Variants in MRAP2 observed in about 807,000 individuals in gnomAD.
MRAP2 encodes melanocortin 2 receptor accessory protein 2.
In MRAP2, 20 loss-of-function variants were observed where a neutral mutation model predicts 17.4. That is an observed-to-expected ratio of 1.15 (90% CI 0.81 to 1.67). The LOEUF (loss-of-function observed/expected upper bound fraction) is 1.67, where lower values mean the gene tolerates loss of function less well. Ranked by LOEUF, MRAP2 falls within the 40% of genes most tolerant of loss-of-function variation. MRAP2 has a pLI of 0.00. For missense variants in MRAP2, 238 were observed against 240.0 expected (o/e 0.99, Z 0.05); for synonymous variants, 96 against 88.4 (o/e 1.09, Z -0.48).
the MRAP2 span, among the ~76,000 whole-genome samples, chr6:84,109,299 C>T: frequency 1.4e-3 from 220 of 152,244 alleles, no homozygotes; most frequent in Middle Eastern, 3.4e-3. Flanking sequence ...TCCTCCTATC[C>T]GTGAGCATTG....
chr6:84,114,325 G>T, the MRAP2 span, among the ~76,000 whole-genome samples: 21 of 151,846 alleles, frequency 1.4e-4, no homozygotes, highest in South Asian at 2.7e-3. Flanking sequence ...ATTTCATTGA[G>T]TTAATCTTCA....
At chr6:84,041,794 A>T (rs1227079575) in intron 1 of MRAP2, among the ~76,000 whole-genome samples, 1 of 152,236 alleles carries the variant, frequency 6.6e-6, no homozygotes, top group Non-Finnish European at 1.5e-5. Context: ...GTATCTAGGA[A>T]GTAACTAACT....
chr6:84,081,754 G>T (rs1196570509), intron 3 of MRAP2, among the ~76,000 whole-genome samples: 1 of 152,164 alleles, frequency 6.6e-6, no homozygotes, highest in Non-Finnish European at 1.5e-5. Context: ...GGAGGCAGAG[G>T]TTGCAGTGAG....
intron 2 of MRAP2, among the ~76,000 whole-genome samples, chr6:84,056,416 T>G (rs1424793848): frequency 6.6e-6 from 1 of 152,202 alleles, no homozygotes; most frequent in East Asian, 1.9e-4. Context: ...TTTTTGTTCC[T>G]TTAGCAAAAA....
intron 3 of MRAP2, among the ~76,000 whole-genome samples, chr6:84,068,175 GC>G (rs551258715): frequency 4.9e-4 from 75 of 152,156 alleles, no homozygotes; most frequent in Non-Finnish European, 8.7e-4. Flanking sequence ...GTTTTTGTTT[GC>G]TTTTTTGAAG....
the MRAP2 span, among the ~76,000 whole-genome samples, chr6:84,134,962 A>AGT: frequency 6.6e-6 from 1 of 151,438 alleles, no homozygotes; most frequent in African/African-American, 2.4e-5. Context: ...ACACATATAT[A>AGT]GTGTTAGGTT....
At chr6:84,143,032 A>C in the MRAP2 span, among the ~76,000 whole-genome samples, 1 of 152,094 alleles carries the variant, frequency 6.6e-6, no homozygotes, top group African/African-American at 2.4e-5. Flanking sequence ...TTCAATAATT[A>C]CTATGTTTTA....
intron 3 of MRAP2, among the ~76,000 whole-genome samples, chr6:84,064,643 A>G (rs185377512): frequency 2.6e-4 from 40 of 152,034 alleles, no homozygotes; most frequent in Admixed American, 4.6e-4. Context: ...ACCCACCACC[A>G]CGCCCAGCTA....
intron 2 of MRAP2, among the ~76,000 whole-genome samples, chr6:84,059,261 G>T (rs1182468206): frequency 1.3e-5 from 2 of 152,176 alleles, no homozygotes; most frequent in Admixed American, 6.5e-5. Flanking sequence ...TGCATGGATG[G>T]GTCAGCAAGA....
At chr6:84,086,694 G>A (rs1049509096) in intron 3 of MRAP2, among the ~76,000 whole-genome samples, 5 of 152,192 alleles carry the variant, frequency 3.3e-5, no homozygotes, top group African/African-American at 2.4e-5. Context: ...GAAGCCAGAA[G>A]GGAGGGGGTG....
chr6:84,050,466 C>T (rs1019980533), intron 1 of MRAP2, among the ~76,000 whole-genome samples: 6 of 152,132 alleles, frequency 3.9e-5, no homozygotes, highest in Admixed American at 2.0e-4. Context: ...CTGTGTGGCC[C>T]TACCCTAGGC....
At chr6:84,033,662 TCTCGCGCTGGGGAGGCGGC>T (rs1417577494), upstream of MRAP2, 3 of 981,578 alleles carry the variant, frequency 3.1e-6, no homozygotes, top group African/African-American at 5.3e-5. Context: ...GGGAGGCGGC[TCTCGCGCTGGGGAGGCGGC>T]TCCCGCGCTG....
chr6:84,130,131 G>C, the MRAP2 span, among the ~76,000 whole-genome samples: 3 of 152,098 alleles, frequency 2.0e-5, no homozygotes, highest in Non-Finnish European at 2.9e-5. Context: ...TATGGTTTTT[G>C]TCCTTGGTTT....
chr6:84,099,820 A>G, the MRAP2 span, among the ~76,000 whole-genome samples: 1 of 152,092 alleles, frequency 6.6e-6, no homozygotes, highest in African/African-American at 2.4e-5. Flanking sequence ...ACTAATGCAA[A>G]TGGATTAATA....
the MRAP2 span, among the ~76,000 whole-genome samples, chr6:84,142,239 A>G: frequency 6.6e-6 from 1 of 152,216 alleles, no homozygotes; most frequent in Non-Finnish European, 1.5e-5. Flanking sequence ...TTGGCCAGCT[A>G]AACAGGTAAC....
At chr6:84,137,528 T>C in the MRAP2 span, among the ~76,000 whole-genome samples, 2 of 152,034 alleles carry the variant, frequency 1.3e-5, no homozygotes, top group South Asian at 2.1e-4. Context: ...TTATAAAATA[T>C]GCAGATTAAA....
At chr6:84,120,353 T>TGGGTATCTCATAATCTAGTGGAGGTGA in the MRAP2 span, among the ~76,000 whole-genome samples, 6 of 152,206 alleles carry the variant, frequency 3.9e-5, no homozygotes, top group African/African-American at 1.4e-4. Context: ...ACTAGCTCTC[T>TGGGTATCTCATAATCTAGTGGAGGTGA]GGGTATCTCA....
chr6:84,068,446 A>G (rs1000720368), intron 3 of MRAP2, among the ~76,000 whole-genome samples: 2 of 152,124 alleles, frequency 1.3e-5, no homozygotes, highest in Non-Finnish European at 2.9e-5. Context: ...TTTGATGGAG[A>G]TTGCATTGAA....
At chr6:84,071,315 A>G (rs2099496130) in intron 3 of MRAP2, among the ~76,000 whole-genome samples, 1 of 152,160 alleles carries the variant, frequency 6.6e-6, no homozygotes, top group African/African-American at 2.4e-5. Flanking sequence ...TCTGAAAAAG[A>G]CTGTATCTTT....
Sources: allele counts gnomAD v4.1 joint callset (sites outside exome capture counted in the v4.1 genomes callset), GRCh38; gene constraint gnomAD v4.1.1; transcripts MANE v1.5; gene names NCBI Gene and HGNC (gene_info 2026-07-23, HGNC 2026-07-21).